The following GDAP1L1 variants were observed in gnomAD, a reference collection of about 807,000 sequenced individuals.
GDAP1L1 encodes ganglioside induced differentiation associated protein 1 like 1.
GDAP1L1 carries 21 observed loss-of-function variants against 37.1 expected under a neutral mutation model. That is an observed-to-expected ratio of 0.57 (90% CI 0.40 to 0.81). The LOEUF (loss-of-function observed/expected upper bound fraction) is 0.81. GDAP1L1 is among the 40% of genes least tolerant of loss of function. The probability of loss-of-function intolerance (pLI) is 0.00; values close to 1 mark genes in which losing one functional copy is unlikely to be tolerated. For synonymous variants in GDAP1L1, 193 were observed against 209.1 expected (o/e 0.92, Z 0.67); for missense variants, 362 against 491.6 (o/e 0.74, Z 2.49).
chr20:44,254,379 A>T (rs1218947787), intron 1 of GDAP1L1, among the ~76,000 whole-genome samples: 1 of 152,118 alleles, frequency 6.6e-6, no homozygotes, highest in African/African-American at 2.4e-5. Flanking sequence ...ACTCAGACCC[A>T]AACAGATGCT....
chr20:44,275,304 T>C (rs2062561671), intron 5 of GDAP1L1, among the ~76,000 whole-genome samples: 1 of 152,186 alleles, frequency 6.6e-6, no homozygotes, highest in African/African-American at 2.4e-5. Flanking sequence ...AGACATTGTA[T>C]TGTGTCGTGT....
At chr20:44,257,045 C>T (rs766576838) in intron 1 of GDAP1L1, 108 bp from the exon 2 acceptor site, 66 of 1,159,830 alleles carry the variant, frequency 5.7e-5, no homozygotes, top group Non-Finnish European at 7.5e-5. Context: ...AATCGTGTCC[C>T]CTCCTGTGTG....
chr20:44,247,561 G>C (rs1307847663), intron 1 of GDAP1L1, 47 bp downstream of exon 1: 9 of 1,450,780 alleles, frequency 6.2e-6, no homozygotes, highest in Non-Finnish European at 6.4e-6. Context: ...AGGAAGCTTG[G>C]GGAGGGGAGC....
chr20:44,271,549 G>A (rs1477776084), intron 5 of GDAP1L1, among the ~76,000 whole-genome samples: 1 of 152,192 alleles, frequency 6.6e-6, no homozygotes, highest in African/African-American at 2.4e-5. Context: ...AGATTGGAAT[G>A]GACTGAAGAG....
chr20:44,248,318 C>T (rs2073372533), intron 1 of GDAP1L1, among the ~76,000 whole-genome samples: 1 of 152,240 alleles, frequency 6.6e-6, no homozygotes. Context: ...CCACCCTGGG[C>T]GGTTGTCCCG....
At chr20:44,262,979 G>C (rs6103699) in intron 3 of GDAP1L1, among the ~76,000 whole-genome samples, 5 of 152,086 alleles carry the variant, frequency 3.3e-5, no homozygotes, top group Non-Finnish European at 7.4e-5. Flanking sequence ...CAAAGTGTTA[G>C]GATTACAGGG....
intron 5 of GDAP1L1, among the ~76,000 whole-genome samples, chr20:44,272,298 G>C (rs1018939181): frequency 2.0e-5 from 3 of 152,232 alleles, no homozygotes; most frequent in Non-Finnish European, 4.4e-5. Context: ...CAGCAGTATG[G>C]AGCGGTTTTG....
Position 44,247,439 on chromosome 20 carries a change from G to A in GDAP1L1, c.105G>A (p.Glu35=). The part of the protein sequence containing the change: ...AKPAEAPDAP[E]AASPAHWPRE... ...CAGCGGAGGCCCCCGACGCTCCCGA[G>A]GCGGCCAGCCCCGCCCATTGGCCCA... Residue 35 remains glutamate (E), a synonymous_variant, in exon 1 of 6, where the codon GAG becomes GAA. Coordinates refer to ENST00000342560, the MANE Select transcript of GDAP1L1 (RefSeq NM_024034.6). 6.2e-7 allele frequency: 1 copy of A among 1,608,384 alleles called. No homozygotes were observed. Among genetic ancestry groups the A allele is most frequent in the Non-Finnish European group, 8.5e-7 (1 of 1,178,112 alleles).
At position 44,264,329 on chromosome 20, in the gene GDAP1L1, G is replaced by T; in HGVS notation, c.646-116G>T. On this transcript the variant is annotated intron_variant, in intron 4 of 5. Coordinates refer to ENST00000342560, the MANE Select transcript of GDAP1L1 (RefSeq NM_024034.6). ...TAACGGGGGGGCATCCTATACACTT[G>T]GGGGGCATTTGGAGGCTGGGTTTGC... The T allele has an allele frequency of 2.3e-6, 3 of 1,293,816 alleles. No homozygotes were observed. In the South Asian group the frequency reaches 6.4e-5, roughly 28 times the overall value. 80.1% of individuals were successfully genotyped at this position (1,293,816 alleles called of 1,614,324 possible). A position where few individuals can be genotyped will look rare whatever the true frequency, so the allele number is the denominator to read the frequency against.
At chr20:44,263,369 T>C in intron 4 of GDAP1L1, 42 bp downstream of exon 4, 2 of 1,305,066 alleles carry the variant, frequency 1.5e-6, no homozygotes, top group Non-Finnish European at 2.2e-6. Flanking sequence ...CCCTACGAGC[T>C]CTTCCACGGA....
At chr20:44,247,278 G>A, upstream of GDAP1L1, 1 of 1,570,702 alleles carries the variant, frequency 6.4e-7, no homozygotes. Flanking sequence ...GATGCTGGGC[G>A]AGAGAGAGCC....
chr20:44,258,621 C>A lies in GDAP1L1; in HGVS notation c.547+14C>A, dbSNP rs747336323. 9 of 1,578,190 alleles carry A rather than the reference C, an allele frequency of 5.7e-6. No individual in the cohort carries two copies. Among genetic ancestry groups the A allele is most frequent in the Non-Finnish European group, 7.8e-6 (9 of 1,158,612 alleles). On this transcript the variant is annotated intron_variant, in intron 3 of 5. Coordinates refer to ENST00000342560, the MANE Select transcript of GDAP1L1 (RefSeq NM_024034.6). ...CCGAGATCCGCAGTGAGTGCCAGGG[C>A]GGCGAGACAGCCCCTCTGCTTTCCC...
chr20:44,250,218 T>C (rs2073413597), intron 1 of GDAP1L1, among the ~76,000 whole-genome samples: 1 of 152,102 alleles, frequency 6.6e-6, no homozygotes, highest in Non-Finnish European at 1.5e-5. Flanking sequence ...AACAGGACAG[T>C]GTGTGGGTCC....
chr20:44,261,940 T>G (rs2073681133), intron 3 of GDAP1L1, among the ~76,000 whole-genome samples: 1 of 151,594 alleles, frequency 6.6e-6, no homozygotes. Context: ...AGGTGTGGAG[T>G]GGTCTGGCAC....
intron 5 of GDAP1L1, among the ~76,000 whole-genome samples, chr20:44,276,912 T>C (rs1443993409): frequency 6.6e-6 from 1 of 152,242 alleles, no homozygotes; most frequent in Non-Finnish European, 1.5e-5. Context: ...GGGTAAGGTC[T>C]TCCTCCACCT....
intron 4 of GDAP1L1, 118 bp downstream of exon 4, chr20:44,263,445 T>C: frequency 1.3e-6 from 1 of 790,186 alleles, no homozygotes; most frequent in Non-Finnish European, 2.1e-6. Flanking sequence ...GCCCCTGGCT[T>C]GCTTTTCCAA....
In GDAP1L1 at chr20:44,279,604, G is replaced by A. The variant is rs1342046765; in HGVS notation, c.*304G>A. The A allele has an allele frequency of 3.9e-6, 2 of 513,076 alleles. No homozygotes were observed. 31.8% of individuals were successfully genotyped at this position (513,076 alleles called of 1,614,324 possible). A position where few individuals can be genotyped will look rare whatever the true frequency, so the allele number is the denominator to read the frequency against. ...CAAGGTCTCAAGATGGAACTGTGGA[G>A]ACTGGTTAGGATCTGAGGTGAGTCC... On this transcript the variant is annotated 3_prime_UTR_variant, in exon 6 of 6. Coordinates refer to ENST00000342560, the MANE Select transcript of GDAP1L1 (RefSeq NM_024034.6).
At chr20:44,267,975 G>C (rs1226263959) in intron 5 of GDAP1L1, among the ~76,000 whole-genome samples, 1 of 152,222 alleles carries the variant, frequency 6.6e-6, no homozygotes, top group African/African-American at 2.4e-5. Flanking sequence ...ATCCCTCTGG[G>C]GCTGGGGGAG....
chr20:44,277,919 C>T (rs1287329385), intron 5 of GDAP1L1, among the ~76,000 whole-genome samples: 2 of 151,906 alleles, frequency 1.3e-5, no homozygotes, highest in South Asian at 2.1e-4. Flanking sequence ...TTTGGGAGAC[C>T]GAGGTGGGCG....
Sources: allele counts gnomAD v4.1 joint callset (sites outside exome capture counted in the v4.1 genomes callset), GRCh38; gene constraint gnomAD v4.1.1; transcripts MANE v1.5; gene names NCBI Gene and HGNC (gene_info 2026-07-23, HGNC 2026-07-21).